The following HTR1E variants were observed in gnomAD, a reference collection of about 807,000 sequenced individuals.
HTR1E encodes 5-HT-1E.
In HTR1E, 3 loss-of-function variants were observed where a neutral mutation model predicts 3.4. The observed-to-expected ratio is 0.89, with a 90% CI of 0.41 to 2.31. The LOEUF (loss-of-function observed/expected upper bound fraction) is 2.31. Among genes scored for constraint, HTR1E ranks in the 30% most tolerant of loss-of-function variants. The pLI is 0.05. For missense variants in HTR1E, 392 were observed against 467.0 expected (o/e 0.84, Z 1.48); for synonymous variants, 170 against 182.8 (o/e 0.93, Z 0.56).
intron 1 of HTR1E, among the ~76,000 whole-genome samples, chr6:86,955,346 AC>A (rs1302931669): frequency 6.6e-6 from 1 of 151,572 alleles, no homozygotes; most frequent in Non-Finnish European, 1.5e-5. Context: ...ATGCGGTAGC[AC>A]CTTAAAAACG....
At chr6:86,945,523 G>GT (rs768414655) in intron 1 of HTR1E, among the ~76,000 whole-genome samples, 46 of 151,140 alleles carry the variant, frequency 3.0e-4, no homozygotes, top group South Asian at 6.3e-4. Context: ...GATTACAGGC[G>GT]TGAGTATCTT....
In HTR1E at chr6:87,015,822, AC is replaced by A. The variant is rs763468682; in HGVS notation, c.490del (p.Arg164AlafsTer3). The stretch of plus-strand genomic sequence containing the variant: ...ATGCCCCCTCTGTTCTGGAGAAGCC[AC>A]CGCCGCCTAAGCCCTCCCCCTAGTC... ...ISMPPLFWRS[H>X]RRLSPPPSQC... is the part of the protein sequence containing the mutation. On this transcript the variant is annotated frameshift_variant, in exon 2 of 2. Transcript: ENST00000305344. LOFTEE classifies it low-confidence loss of function (END_TRUNC). 8.7e-6 allele frequency: 14 copies of A among 1,613,506 alleles called. No individual in the cohort carries two copies. Among genetic ancestry groups the A allele is most frequent in the African/African-American group, 1.3e-5 (1 of 74,878 alleles).
chr6:86,938,937 ATGCACT>A (rs1461447202), intron 1 of HTR1E, among the ~76,000 whole-genome samples: 1 of 152,232 alleles, frequency 6.6e-6, no homozygotes, highest in African/African-American at 2.4e-5. Flanking sequence ...AACAGCCAGG[ATGCACT>A]TGTGAATCAG....
At chr6:86,975,487 T>C (rs748043632) in intron 1 of HTR1E, among the ~76,000 whole-genome samples, 4 of 152,094 alleles carry the variant, frequency 2.6e-5, no homozygotes, top group Admixed American at 6.6e-5. Flanking sequence ...CATCTATATA[T>C]TCTCCTAAGC....
chr6:86,965,677 A>G lies in HTR1E; in HGVS notation c.-186+27854A>G, dbSNP rs548752140. The stretch of plus-strand genomic sequence containing the variant: ...ATACACACACACAGACACACACCAA[A>G]CTTGCTATAAGTAAATAGCTCAAGG... On this transcript the variant is annotated intron_variant, in intron 1 of 1. Coordinates refer to ENST00000305344, the MANE Select transcript of HTR1E (RefSeq NM_000865.3). Among the ~76,000 whole-genome samples, 4 of 151,858 alleles carry G rather than the reference A, an allele frequency of 2.6e-5. No individual in the cohort carries two copies. In the South Asian group the frequency reaches 8.4e-4, roughly 32 times the overall value.
intron 1 of HTR1E, among the ~76,000 whole-genome samples, chr6:86,955,474 C>G (rs1358113662): frequency 6.6e-6 from 1 of 152,190 alleles, no homozygotes; most frequent in Non-Finnish European, 1.5e-5. Context: ...AAAATCCCAC[C>G]TTGGAAATGT....
chr6:86,945,213 A>G (rs11961589), intron 1 of HTR1E, among the ~76,000 whole-genome samples: 35,110 of 151,896 alleles, frequency 0.23, 4,588 homozygotes, highest in African/African-American at 0.35. Context: ...TGTGTAGGCT[A>G]AGGCTAATGT....
intron 1 of HTR1E, among the ~76,000 whole-genome samples, chr6:86,941,696 T>C (rs982306983): frequency 6.6e-6 from 1 of 152,196 alleles, no homozygotes; most frequent in African/African-American, 2.4e-5. Flanking sequence ...GGAAGGTCTT[T>C]ATGAAATCTG....
intron 1 of HTR1E, among the ~76,000 whole-genome samples, chr6:86,995,366 A>G (rs1767922604): frequency 6.8e-6 from 1 of 146,896 alleles, no homozygotes; most frequent in Non-Finnish European, 1.5e-5. Flanking sequence ...GGAAGAGTGG[A>G]TTAAGAGAAC....
chr6:86,970,682 G>T, intron 1 of HTR1E: 1 of 162,114 alleles, frequency 6.2e-6, no homozygotes, highest in South Asian at 1.7e-4. Flanking sequence ...AAGAAAAGCT[G>T]GCAACCTCTA....
chr6:86,990,225 A>T (rs973548149), intron 1 of HTR1E, among the ~76,000 whole-genome samples: 2 of 152,216 alleles, frequency 1.3e-5, no homozygotes, highest in East Asian at 3.8e-4. Context: ...TCATTTTTTT[A>T]AAATATGCTA....
chr6:86,971,601 C>CAA (rs199973199), intron 1 of HTR1E, among the ~76,000 whole-genome samples: 16 of 104,470 alleles, frequency 1.5e-4, no homozygotes, highest in South Asian at 2.9e-4. Flanking sequence ...CCTCCAGTGG[C>CAA]AAAAAAAAAA....
intron 1 of HTR1E, among the ~76,000 whole-genome samples, chr6:86,950,619 T>C (rs1767224795): frequency 6.6e-6 from 1 of 152,208 alleles, no homozygotes; most frequent in Admixed American, 6.5e-5. Context: ...AGAAAATGTA[T>C]GCAATATTCT....
chr6:87,014,855 A>G lies in HTR1E; in HGVS notation c.-185-295A>G, dbSNP rs182168514. On this transcript the variant is annotated intron_variant, in intron 1 of 1. Transcript: ENST00000305344. ...GCATTAGGAGAAGTACCTAATGTAG[A>G]TGATTGGTTGTTGGGTGCAGCAAAC... Among the ~76,000 whole-genome samples the G allele has an allele frequency of 2.0e-3, 298 of 152,276 alleles. 2 individuals carry two copies. The highest frequency in any genetic ancestry group is 6.8e-3 in the Middle Eastern group (2 of 292).
At chr6:86,982,456 G>A (rs1767728685) in intron 1 of HTR1E, among the ~76,000 whole-genome samples, 1 of 152,242 alleles carries the variant, frequency 6.6e-6, no homozygotes, top group East Asian at 1.9e-4. Context: ...GCTCTCAGGC[G>A]ATACACCTGC....
intron 1 of HTR1E, among the ~76,000 whole-genome samples, chr6:87,008,814 G>A (rs1434653764): frequency 6.6e-6 from 1 of 152,048 alleles, no homozygotes; most frequent in Non-Finnish European, 1.5e-5. Context: ...AATATTATAA[G>A]ATGATCACCC....
chr6:86,992,367 TTGTAATACA>T (rs777550567), intron 1 of HTR1E, among the ~76,000 whole-genome samples: 6 of 152,206 alleles, frequency 3.9e-5, no homozygotes, highest in Non-Finnish European at 8.8e-5. Context: ...TGGGCATAGC[TTGTAATACA>T]TGTGGTATGG....
At chr6:87,011,812 G>T (rs1768241758) in intron 1 of HTR1E, among the ~76,000 whole-genome samples, 1 of 151,940 alleles carries the variant, frequency 6.6e-6, no homozygotes, top group South Asian at 2.1e-4. Flanking sequence ...TAAAAGATTT[G>T]TAAATAAGTA....
At chr6:86,958,925 G>C (rs1767362529) in intron 1 of HTR1E, among the ~76,000 whole-genome samples, 1 of 149,552 alleles carries the variant, frequency 6.7e-6, no homozygotes, top group African/African-American at 2.5e-5. Context: ...CAGAGAAACA[G>C]AACCAATTGC....
Sources: allele counts gnomAD v4.1 joint callset (sites outside exome capture counted in the v4.1 genomes callset), GRCh38; gene constraint gnomAD v4.1.1; transcripts MANE v1.5; gene names NCBI Gene and HGNC (gene_info 2026-07-23, HGNC 2026-07-21).